Variants in ARMCX4 observed in about 807,000 individuals in gnomAD.
The protein encoded by ARMCX4 is armadillo repeat containing X-linked 4.
ARMCX4 carries 3 observed loss-of-function variants against 34.7 expected under a neutral mutation model. The observed-to-expected ratio is 0.09, with a 90% CI of 0.04 to 0.22. The LOEUF (loss-of-function observed/expected upper bound fraction) is 0.22, where lower values mean the gene tolerates loss of function less well. Among genes scored for constraint, ARMCX4 ranks in the 10% least tolerant of loss-of-function variants. The probability of loss-of-function intolerance (pLI) is 1.00; values close to 1 mark genes in which losing one functional copy is unlikely to be tolerated. For synonymous variants in ARMCX4, 513 were observed against 632.8 expected (o/e 0.81, Z 2.84); for missense variants, 1,448 against 1,720.8 (o/e 0.84, Z 2.81).
Position 101,492,308 on chromosome X carries a change from A to C in ARMCX4, c.3719A>C (p.Gln1240Pro). Residue 1240 changes from glutamine (Q) to proline (P), a missense_variant, in exon 6 of 6, where the codon CAG becomes CCG. This residue lies in a region of ARMCX4 where 1,343 missense variants were observed against 1,540.7 expected (regional missense o/e 0.87). Coordinates refer to ENST00000423738, the MANE Select transcript of ARMCX4 (RefSeq NM_001256155.3). ...ATTGGAGAGCTTTGGGCTGCGGGTC[A>C]GGCCAGTGATGGGTCCTGGCCTGGG... ...QAIGELWAAG[Q>P]ASDGSWPGGQ... is the part of the protein sequence containing the mutation. The C allele has an allele frequency of 8.7e-7, 1 of 1,145,740 alleles. No individual in the cohort carries two copies. Among genetic ancestry groups the C allele is most frequent in the Non-Finnish European group, 1.2e-6 (1 of 867,979 alleles). 94.4% of individuals were successfully genotyped at this position (1,145,740 alleles called of 1,213,427 possible). A position where few individuals can be genotyped will look rare whatever the true frequency, so the allele number is the denominator to read the frequency against.
At chrX:101,440,670 A>G (rs1931222087) in intron 2 of ARMCX4, among the ~76,000 whole-genome samples, 1 of 111,453 alleles carries the variant, frequency 9.0e-6, no homozygotes, top group Non-Finnish European at 1.9e-5. Context: ...AGCCTCAGCA[A>G]TGGCAGGCGC....
chrX:101,473,690 A>G (rs1556003596), intron 4 of ARMCX4, among the ~76,000 whole-genome samples: 1 of 103,123 alleles, frequency 9.7e-6, no homozygotes, highest in Non-Finnish European at 2.0e-5. Flanking sequence ...AAACTGAACA[A>G]CCTGCTCCTG....
At chrX:101,483,983 G>T (rs1454508802), upstream of ARMCX4, among the ~76,000 whole-genome samples, 2 of 111,791 alleles carry the variant, frequency 1.8e-5, no homozygotes, top group African/African-American at 6.5e-5. Context: ...AGGTGGATGC[G>T]TGGGGACTAA....
At chrX:101,422,190 A>G (rs1555990232) in intron 2 of ARMCX4, among the ~76,000 whole-genome samples, 1 of 105,500 alleles carries the variant, frequency 9.5e-6, no homozygotes, top group African/African-American at 3.5e-5. Context: ...CAATTTTTGT[A>G]TTTTTTAGTA....
chrX:101,521,350 A>G (rs1183903841), intron 11 of ARMCX4, among the ~76,000 whole-genome samples: 2 of 111,623 alleles, frequency 1.8e-5, no homozygotes, highest in African/African-American at 6.5e-5. Flanking sequence ...TTGTTGGCAT[A>G]CGATTTTTCA....
At chrX:101,522,678 C>T (rs1934878465) in intron 11 of ARMCX4, among the ~76,000 whole-genome samples, 1 of 111,577 alleles carries the variant, frequency 9.0e-6, no homozygotes, top group African/African-American at 3.3e-5. Flanking sequence ...AGAGGTTGCC[C>T]TTGGAGTTAC....
Position 101,492,377 on chromosome X carries a change from G to A in ARMCX4, c.3788G>A (p.Gly1263Glu), listed in dbSNP as rs1556009689. Residue 1263 changes from glycine to glutamate, a missense_variant, in exon 6 of 6, where the codon GGA becomes GAA. Around this residue, in one of 2 missense-constraint regions of ARMCX4, gnomAD observed 1,343 missense variants for 1,540.7 expected, o/e 0.87. Coordinates refer to ENST00000423738, the MANE Select transcript of ARMCX4 (RefSeq NM_001256155.3). ...GVSWVGEEAI[G>E]GSWTGAENQA... Reference sequence around the variant, plus strand: ...TCCTGGGTTGGGGAAGAGGCCATTGGAGGGTCCTGGACTGGGGCTGAGAAC... The same window carrying A: ...TCCTGGGTTGGGGAAGAGGCCATTGAAGGGTCCTGGACTGGGGCTGAGAAC... The A allele has an allele frequency of 2.6e-6, 3 of 1,151,440 alleles. No homozygotes were observed. The allele number at this position is 1,151,440 out of a possible 1,213,427, so 94.9% of individuals were successfully genotyped here.
intron 4 of ARMCX4, among the ~76,000 whole-genome samples, chrX:101,475,167 A>T (rs4986648): frequency 0.43 from 46,325 of 107,434 alleles, 8,012 homozygotes; most frequent in African/African-American, 0.61. Flanking sequence ...ATAAAAAAAT[A>T]AGCTGCGTGT....
Position 101,490,618 on chromosome X carries a change from A to G in ARMCX4, c.2029A>G (p.Lys677Glu), listed in dbSNP as rs1933934097. The G allele has an allele frequency of 8.7e-7, 1 of 1,154,441 alleles. No individual in the cohort carries two copies. The highest frequency in any genetic ancestry group is 1.1e-6 in the Non-Finnish European group (1 of 872,319). The change falls in exon 6 of 6, where the codon AAG becomes GAG. Residue 677 changes from lysine (K) to glutamate (E), a missense_variant. By Grantham distance (56) the Lys-to-Glu change is moderately conservative. Coordinates refer to ENST00000423738, the MANE Select transcript of ARMCX4 (RefSeq NM_001256155.3). ...TAQLQIMASS[K>E]GEALLDSKNK... ...CCAGCTTCAGATTATGGCCAGTTCCAAGGGTGAGGCCTTGCTTGATTCTAA... is the reference window on the plus strand; with the variant it reads ...CCAGCTTCAGATTATGGCCAGTTCCGAGGGTGAGGCCTTGCTTGATTCTAA...
At chrX:101,480,155 C>G (rs61467969) in intron 4 of ARMCX4, among the ~76,000 whole-genome samples, 12 of 94,898 alleles carry the variant, frequency 1.3e-4, no homozygotes, top group African/African-American at 4.9e-4. Flanking sequence ...CACACACACA[C>G]ACACACACAC....
chrX:101,490,519 A>G lies in ARMCX4; in HGVS notation c.1930A>G (p.Thr644Ala). The G allele has an allele frequency of 8.7e-7, 1 of 1,154,609 alleles. No individual in the cohort carries two copies. The highest frequency in any genetic ancestry group is 1.1e-6 in the Non-Finnish European group (1 of 872,405). The change falls in exon 6 of 6, where the codon ACC (threonine) becomes GCC (alanine). Residue 644 changes from threonine (T) to alanine (A), a missense_variant. Transcript: ENST00000423738. ...TTTCCAGGGTGAGGCCTTGCTTGGC[A>G]CCAAGAATAAAGTTAAGGGTAATCC... ...VSFQGEALLG[T>A]KNKVKGNPNV...
At chrX:101,431,435 G>T (rs1024348239) in intron 2 of ARMCX4, among the ~76,000 whole-genome samples, 1 of 112,317 alleles carries the variant, frequency 8.9e-6, no homozygotes, top group African/African-American at 3.2e-5. Flanking sequence ...ATCATTTTTT[G>T]GCTCTATTGT....
chrX:101,439,026 G>T (rs1223773609), intron 2 of ARMCX4, among the ~76,000 whole-genome samples: 1 of 111,883 alleles, frequency 8.9e-6, no homozygotes, highest in African/African-American at 3.2e-5. Context: ...ATGTTAGCTG[G>T]TTATTTTGCT....
chrX:101,426,613 A>C (rs1929640939), intron 2 of ARMCX4, among the ~76,000 whole-genome samples: 1 of 111,919 alleles, frequency 8.9e-6, no homozygotes, highest in South Asian at 3.7e-4. Context: ...TGTTGATGGT[A>C]AATTTACTAT....
chrX:101,523,859 G>T (rs1242711546), intron 11 of ARMCX4, among the ~76,000 whole-genome samples: 1 of 111,661 alleles, frequency 9.0e-6, no homozygotes, highest in Non-Finnish European at 1.9e-5. Flanking sequence ...GTATAAATTT[G>T]TGTTGATGTT....
Position 101,491,425 on chromosome X carries a change from G to A in ARMCX4, c.2836G>A (p.Gly946Ser), listed in dbSNP as rs1933975855. The change falls in exon 6 of 6, where the codon GGC becomes AGC. Residue 946 changes from glycine to serine, a missense_variant. By Grantham distance (56) the Gly-to-Ser change is moderately conservative. This residue lies in a region of ARMCX4 where 1,343 missense variants were observed against 1,540.7 expected (regional missense o/e 0.87). Transcript: ENST00000423738. ...GGCAGAGGCTGGGGCAGGCATAATGGGCTCTGTCCAGGTCCAGGTTGTGGC... is the reference window on the plus strand; with the variant it reads ...GGCAGAGGCTGGGGCAGGCATAATGAGCTCTGTCCAGGTCCAGGTTGTGGC... ...SKAEAGAGIM[G>S]SVQVQVVASF... The A allele has an allele frequency of 3.5e-6, 4 of 1,154,296 alleles. No homozygotes were observed. The highest frequency in any genetic ancestry group is 4.6e-6 in the Non-Finnish European group (4 of 872,649).
chrX:101,515,277 T>C (rs1934681899), intron 11 of ARMCX4, among the ~76,000 whole-genome samples: 1 of 110,647 alleles, frequency 9.0e-6, no homozygotes, highest in African/African-American at 3.3e-5. Context: ...TGATATTTTG[T>C]GTATTTTTTT....
rs1933934902 is a variant in ARMCX4 at position 101,490,655 on chromosome X, A to G, written c.2066A>G (p.Lys689Arg). ...TTGCTTGATTCTAAGAATAAGGTCA[A>G]GGGTAATTCCAATGCTGTGTCTAAG... Reference protein sequence around the residue: ...EALLDSKNKVKGNSNAVSKAG... With the variant: ...EALLDSKNKVRGNSNAVSKAG... The change falls in exon 6 of 6, where the codon AAG (lysine) becomes AGG (arginine). Residue 689 changes from lysine (K) to arginine (R), a missense_variant. Around this residue, in one of 2 missense-constraint regions of ARMCX4, gnomAD observed 1,343 missense variants for 1,540.7 expected, o/e 0.87. Coordinates refer to ENST00000423738, the MANE Select transcript of ARMCX4 (RefSeq NM_001256155.3). 1.7e-6 allele frequency: 2 copies of G among 1,154,640 alleles called. No homozygotes were observed. The highest frequency in any genetic ancestry group is 3.6e-5 in the African/African-American group (2 of 55,864).
intron 4 of ARMCX4, among the ~76,000 whole-genome samples, chrX:101,469,398 A>C (rs1214773369): frequency 8.9e-6 from 1 of 111,994 alleles, no homozygotes; most frequent in African/African-American, 3.2e-5. Context: ...AAGAGCCCCA[A>C]GACATATTGT....
Sources: allele counts gnomAD v4.1 joint callset (sites outside exome capture counted in the v4.1 genomes callset), GRCh38; gene constraint gnomAD v4.1.1; regional missense constraint gnomAD v4.1.1; transcripts MANE v1.5; gene names NCBI Gene and HGNC (gene_info 2026-07-23, HGNC 2026-07-21).